ACBD6: variants seen among roughly 807,000 people sequenced by gnomAD.
ACBD6 encodes the protein acyl-CoA binding domain containing 6.
ACBD6 carries 28 observed loss-of-function variants against 37.2 expected under a neutral mutation model. The observed-to-expected ratio is 0.75, with a 90% CI of 0.56 to 1.03. The LOEUF (loss-of-function observed/expected upper bound fraction) is 1.03. Among genes scored for constraint, ACBD6 ranks in the 50% least tolerant of loss-of-function variants. The pLI, the probability that ACBD6 is intolerant of heterozygous loss-of-function variation, is 0.00. For synonymous variants in ACBD6, 113 were observed against 126.8 expected (o/e 0.89, Z 0.73); for missense variants, 340 against 337.4 (o/e 1.01, Z -0.06).
At chr1:180,478,895 A>G (rs540686139) in intron 3 of ACBD6, among the ~76,000 whole-genome samples, 1 of 152,296 alleles carries the variant, frequency 6.6e-6, no homozygotes, top group African/African-American at 2.4e-5. Context: ...TGAGAGGCCA[A>G]GGCAGGAGGA....
At chr1:180,338,906 T>G (rs1347340787) in intron 6 of ACBD6, among the ~76,000 whole-genome samples, 1 of 152,216 alleles carries the variant, frequency 6.6e-6, no homozygotes, top group African/African-American at 2.4e-5. Context: ...AAGACATTTA[T>G]GCAGCCAAAA....
At chr1:180,362,862 A>G (rs1412615384) in intron 6 of ACBD6, among the ~76,000 whole-genome samples, 1 of 152,250 alleles carries the variant, frequency 6.6e-6, no homozygotes, top group East Asian at 1.9e-4. Flanking sequence ...TAATCATTAC[A>G]AAGAGCCTGC....
chr1:180,339,999 A>G (rs1037487629), intron 6 of ACBD6, among the ~76,000 whole-genome samples: 5 of 152,084 alleles, frequency 3.3e-5, no homozygotes, highest in Non-Finnish European at 7.4e-5. Context: ...TATCTGGGGG[A>G]AAAGCAATAG....
intron 5 of ACBD6, among the ~76,000 whole-genome samples, chr1:180,399,794 AT>A (rs1647268752): frequency 1.3e-5 from 2 of 152,226 alleles, no homozygotes; most frequent in Admixed American, 6.5e-5. Context: ...GTTTCACAGC[AT>A]TTATTAATAC....
At chr1:180,331,170 G>A (rs1173591007) in intron 6 of ACBD6, among the ~76,000 whole-genome samples, 1 of 152,144 alleles carries the variant, frequency 6.6e-6, no homozygotes, top group Admixed American at 6.6e-5. Context: ...GGTCACACAA[G>A]GGGTATGCCA....
intron 3 of ACBD6, among the ~76,000 whole-genome samples, chr1:180,433,503 T>C (rs985492458): frequency 1.3e-5 from 2 of 152,088 alleles, no homozygotes; most frequent in African/African-American, 4.8e-5. Flanking sequence ...TCCATTCTCA[T>C]CACTTCTTTT....
chr1:180,314,574 G>T (rs1384520182), intron 7 of ACBD6, 118 bp downstream of exon 7: 4 of 824,026 alleles, frequency 4.9e-6, no homozygotes, highest in Non-Finnish European at 2.0e-6. Context: ...AAAAGTTATT[G>T]TATCTCTGCT....
intron 3 of ACBD6, among the ~76,000 whole-genome samples, chr1:180,465,560 G>T (rs1557882103): frequency 6.6e-6 from 1 of 152,124 alleles, no homozygotes; most frequent in South Asian, 2.1e-4. Flanking sequence ...TACACTGTTG[G>T]TGGGAGTGTA....
At chr1:180,289,447 G>T (rs1296363608) in intron 7 of ACBD6, among the ~76,000 whole-genome samples, 1 of 152,206 alleles carries the variant, frequency 6.6e-6, no homozygotes, top group East Asian at 1.9e-4. Flanking sequence ...CTTTGACAAT[G>T]CCAAGCACTG....
At chr1:180,483,285 A>G (rs988190857) in intron 3 of ACBD6, among the ~76,000 whole-genome samples, 1 of 152,044 alleles carries the variant, frequency 6.6e-6, no homozygotes. Flanking sequence ...CTTTTCAGTG[A>G]GCCTCTCCTG....
chr1:180,439,523 G>C (rs1029179270), intron 3 of ACBD6, among the ~76,000 whole-genome samples: 8 of 151,808 alleles, frequency 5.3e-5, no homozygotes, highest in African/African-American at 1.9e-4. Flanking sequence ...TCAGGAGGCA[G>C]AACTTGCAGT....
chr1:180,388,601 ATTT>A (rs34380522), intron 6 of ACBD6, among the ~76,000 whole-genome samples: 26 of 150,296 alleles, frequency 1.7e-4, no homozygotes, highest in Admixed American at 4.0e-4. Context: ...ACACAGATCA[ATTT>A]TTTTTTTTTT....
intron 3 of ACBD6, among the ~76,000 whole-genome samples, chr1:180,487,757 G>A (rs1194169533): frequency 6.6e-6 from 1 of 151,950 alleles, no homozygotes; most frequent in East Asian, 1.9e-4. Context: ...TTCTACCCAA[G>A]AAATTGTGAA....
At chr1:180,409,613 T>C (rs2101968107) in intron 5 of ACBD6, among the ~76,000 whole-genome samples, 1 of 152,316 alleles carries the variant, frequency 6.6e-6, no homozygotes, top group Non-Finnish European at 1.5e-5. Context: ...ACTATTGTAA[T>C]TGTTTTGGAG....
intron 7 of ACBD6, among the ~76,000 whole-genome samples, chr1:180,304,611 A>T (rs1650276678): frequency 6.6e-6 from 1 of 150,926 alleles, no homozygotes; most frequent in African/African-American, 2.4e-5. Flanking sequence ...AGAGGATACA[A>T]ACAAATGGAA....
At chr1:180,387,369 T>C (rs1653883545) in intron 6 of ACBD6, among the ~76,000 whole-genome samples, 1 of 152,194 alleles carries the variant, frequency 6.6e-6, no homozygotes, top group Non-Finnish European at 1.5e-5. Flanking sequence ...TACTACCTTA[T>C]TATTGCTTTT....
intron 5 of ACBD6, among the ~76,000 whole-genome samples, chr1:180,398,273 A>C (rs1654340113): frequency 6.6e-6 from 1 of 152,224 alleles, no homozygotes; most frequent in African/African-American, 2.4e-5. Flanking sequence ...TACTTTAAAT[A>C]TAAAGTATAG....
chr1:180,324,361 C>T (rs557665762), intron 6 of ACBD6, among the ~76,000 whole-genome samples: 1 of 151,546 alleles, frequency 6.6e-6, no homozygotes, highest in Admixed American at 6.6e-5. Flanking sequence ...TAATGTATTG[C>T]TTTTTATTTT....
At chr1:180,442,001 T>C (rs1307737173) in intron 3 of ACBD6, among the ~76,000 whole-genome samples, 1 of 152,224 alleles carries the variant, frequency 6.6e-6, no homozygotes, top group African/African-American at 2.4e-5. Flanking sequence ...TTATGTTAAG[T>C]AAAGTTTACC....
Sources: allele counts gnomAD v4.1 joint callset (sites outside exome capture counted in the v4.1 genomes callset), GRCh38; gene constraint gnomAD v4.1.1; transcripts MANE v1.5; gene names NCBI Gene and HGNC (gene_info 2026-07-23, HGNC 2026-07-21).